The following KALRN variants were observed in gnomAD, a reference collection of about 807,000 sequenced individuals.
The protein encoded by KALRN is kalirin.
A neutral mutation model predicts 353.7 loss-of-function variants in KALRN; 70 were observed. That is an observed-to-expected ratio of 0.20 (90% CI 0.16 to 0.24). The LOEUF (loss-of-function observed/expected upper bound fraction) is 0.24. KALRN is among the 10% of genes least tolerant of loss of function. The pLI is 1.00. For synonymous variants in KALRN, 1,391 were observed against 1,434.8 expected (o/e 0.97, Z 0.69); for missense variants, 2,791 against 3,756.7 (o/e 0.74, Z 6.72).
chr3:124,181,533 T>C (rs2073597371), intron 1 of KALRN, among the ~76,000 whole-genome samples: 1 of 152,186 alleles, frequency 6.6e-6, no homozygotes, highest in South Asian at 2.1e-4. Flanking sequence ...TTAGCTCTAA[T>C]TTACTACGAA....
chr3:124,326,219 G>A (rs774441236), intron 7 of KALRN, 48 bp downstream of exon 7: 19 of 1,548,472 alleles, frequency 1.2e-5, no homozygotes, highest in Non-Finnish European at 1.6e-5. Flanking sequence ...GAAGGGTTGG[G>A]CATGGGCAGG....
intron 34 of KALRN, among the ~76,000 whole-genome samples, chr3:124,632,111 T>G (rs1455679241): frequency 6.6e-6 from 1 of 152,262 alleles, no homozygotes; most frequent in African/African-American, 2.4e-5. Context: ...CTTTTCATTT[T>G]GCTTATTTTA....
intron 11 of KALRN, among the ~76,000 whole-genome samples, chr3:124,387,137 A>T (rs2088487720): frequency 6.6e-6 from 1 of 152,192 alleles, no homozygotes; most frequent in Admixed American, 6.5e-5. Flanking sequence ...TTGGCTGAGA[A>T]ATACACAGTG....
At chr3:124,659,977 G>A (rs533773596) in intron 43 of KALRN, among the ~76,000 whole-genome samples, 2 of 151,254 alleles carry the variant, frequency 1.3e-5, no homozygotes, top group African/African-American at 4.8e-5. Context: ...TGTCACCCAG[G>A]CTGCAGTGCA....
In KALRN at chr3:124,657,802, A is replaced by T. The variant is rs1045333047; in HGVS notation, c.6035A>T (p.His2012Leu). Residue 2012 changes from histidine to leucine, a missense_variant and splice_region_variant, in exon 41 of 60, where the codon CAC (histidine) becomes CTC (leucine). His to Leu is a moderately conservative substitution (Grantham distance 99). Transcript: ENST00000682506. ...QDRLAQLFIKHERKLHIYVWY... is the reference protein window; with the variant it reads ...QDRLAQLFIKLERKLHIYVWY... ...AGATTGGCACAGCTCTTTATTAAGC[A>T]CGTGAGTGTCTCCCATCACCTCCTC... is the stretch of plus-strand genomic sequence containing the variant. The T allele has an allele frequency of 6.2e-7, 1 of 1,605,608 alleles. No individual in the cohort carries two copies. The highest frequency in any genetic ancestry group is 1.3e-5 in the African/African-American group (1 of 74,750).
chr3:124,543,328 A>C (rs1447279789), intron 33 of KALRN, among the ~76,000 whole-genome samples: 1 of 150,588 alleles, frequency 6.6e-6, no homozygotes, highest in African/African-American at 2.4e-5. Context: ...TTGAGACGGA[A>C]TCTCACTCTG....
rs2063384422 is a variant in KALRN, at chr3:124,723,579, A to G, written c.*4109A>G. 1 of 152,220 alleles carries G rather than the reference A, an allele frequency of 6.6e-6. No individual in the cohort carries two copies. Among genetic ancestry groups the G allele is most frequent in the Admixed American group, 6.5e-5 (1 of 15,282 alleles). The allele number at this position is 152,220 out of a possible 1,614,324, so 9.4% of individuals were successfully genotyped here. A position where few individuals can be genotyped will look rare whatever the true frequency, so the allele number is the denominator to read the frequency against. ...AGGTTTTCAATATTCACGTCTTTAG[A>G]TACCAATTATAAACTCATGAGATTA... On this transcript the variant is annotated 3_prime_UTR_variant, in exon 60 of 60. Transcript: ENST00000682506.
chr3:124,402,507 G>T (rs1407365959), intron 13 of KALRN, among the ~76,000 whole-genome samples: 1 of 152,144 alleles, frequency 6.6e-6, no homozygotes, highest in Non-Finnish European at 1.5e-5. Context: ...TAAGAATACA[G>T]GTGATTTTTT....
intron 45 of KALRN, among the ~76,000 whole-genome samples, chr3:124,663,058 G>A (rs903382724): frequency 6.6e-6 from 1 of 152,002 alleles, no homozygotes; most frequent in African/African-American, 2.4e-5. Flanking sequence ...CGATTCTCCT[G>A]CCTCAGTCTC....
chr3:124,317,949 A>G (rs910276753), intron 6 of KALRN, among the ~76,000 whole-genome samples: 2 of 152,074 alleles, frequency 1.3e-5, no homozygotes, highest in African/African-American at 4.8e-5. Context: ...CAATTTTGCA[A>G]TGATGCCTCA....
chr3:124,466,886 G>A (rs1318393246), intron 25 of KALRN, among the ~76,000 whole-genome samples: 1 of 152,174 alleles, frequency 6.6e-6, no homozygotes, highest in Non-Finnish European at 1.5e-5. Context: ...GCTTCCATGT[G>A]GATCTTAGAA....
chr3:124,168,930 C>A (rs755279460), intron 1 of KALRN, among the ~76,000 whole-genome samples: 6 of 152,124 alleles, frequency 3.9e-5, no homozygotes, highest in Non-Finnish European at 8.8e-5. Flanking sequence ...CATGATTAGA[C>A]AAACACCCAA....
At chr3:124,694,925 G>A (rs564191962) in intron 53 of KALRN, among the ~76,000 whole-genome samples, 1 of 152,000 alleles carries the variant, frequency 6.6e-6, no homozygotes, top group Non-Finnish European at 1.5e-5. Flanking sequence ...CATTCACCCT[G>A]GTAGATGATC....
intron 1 of KALRN, among the ~76,000 whole-genome samples, chr3:124,177,680 G>A (rs1482875488): frequency 6.6e-6 from 1 of 152,198 alleles, no homozygotes; most frequent in Non-Finnish European, 1.5e-5. Flanking sequence ...ATATTAGGGA[G>A]TTGGGGGGTC....
At chr3:124,505,003 A>G (rs2065055231) in intron 33 of KALRN, 2 of 479,432 alleles carry the variant, frequency 4.2e-6, no homozygotes, top group South Asian at 1.5e-5. Flanking sequence ...GGGAGATGGC[A>G]TGGTTGGAGG....
chr3:124,141,286 C>T (rs1217673034), intron 1 of KALRN, among the ~76,000 whole-genome samples: 2 of 152,198 alleles, frequency 1.3e-5, no homozygotes, highest in Admixed American at 6.5e-5. Context: ...GTTTTCATAG[C>T]CCTGGTCGAA....
chr3:124,276,226 G>C (rs143252896), intron 5 of KALRN, among the ~76,000 whole-genome samples: 1 of 152,292 alleles, frequency 6.6e-6, no homozygotes, highest in Non-Finnish European at 1.5e-5. Context: ...TCTACACTGG[G>C]CACCACTGGG....
intron 14 of KALRN, among the ~76,000 whole-genome samples, chr3:124,421,641 A>G (rs889361046): frequency 2.0e-5 from 3 of 152,210 alleles, no homozygotes; most frequent in African/African-American, 7.2e-5. Context: ...ACTTTCGGGT[A>G]GTCTTTGAGA....
Position 124,268,673 on chromosome 3 carries a change from C to G in KALRN, c.457-70C>G, listed in dbSNP as rs975382561. ...TATGTGGATTTATCTTGTCCTTTCC[C>G]TCATCCTATTTCTGCCCTGTTCTTC... is the stretch of plus-strand genomic sequence containing the variant. On this transcript the variant is annotated intron_variant, in intron 4 of 59. Coordinates refer to ENST00000682506, the MANE Select transcript of KALRN (RefSeq NM_001388419.1). 2.0e-6 allele frequency: 3 copies of G among 1,500,248 alleles called. No individual in the cohort carries two copies. In the African/African-American group the frequency reaches 4.1e-5, roughly 21 times the overall value. 92.9% of individuals were successfully genotyped at this position (1,500,248 alleles called of 1,614,324 possible).
Sources: gnomAD v4.1 joint callset for allele counts (sites outside exome capture counted in the v4.1 genomes callset) on GRCh38, gnomAD v4.1.1 for gene constraint, MANE v1.5 for transcripts, NCBI Gene and HGNC (gene_info 2026-07-23, HGNC 2026-07-21) for gene names.